The following STRN3 variants were observed in gnomAD, a reference collection of about 807,000 sequenced individuals.
STRN3 encodes the protein striatin-3.
Under a neutral mutation model 95.6 loss-of-function variants are expected in STRN3, and 29 were observed. That is an observed-to-expected ratio of 0.30 (90% CI 0.23 to 0.41). STRN3 has a LOEUF of 0.41. Ranked by LOEUF, STRN3 falls within the 10% of genes least tolerant of loss-of-function variation. The pLI is 1.00. For synonymous variants in STRN3, 331 were observed against 357.6 expected (o/e 0.93, Z 0.84); for missense variants, 890 against 972.1 (o/e 0.92, Z 1.12).
At chr14:30,969,671 G>C (rs1048293868) in intron 1 of STRN3, among the ~76,000 whole-genome samples, 1 of 152,132 alleles carries the variant, frequency 6.6e-6, no homozygotes, top group African/African-American at 2.4e-5. Flanking sequence ...TTCTCAGTAA[G>C]AAGGCACCAA....
intron 15 of STRN3, among the ~76,000 whole-genome samples, chr14:30,903,174 TG>T (rs1339703834): frequency 6.6e-6 from 1 of 151,928 alleles, no homozygotes; most frequent in South Asian, 2.1e-4. Flanking sequence ...AACAAATAAA[TG>T]GGGGGAAACT....
intron 1 of STRN3, among the ~76,000 whole-genome samples, chr14:30,965,371 G>C (rs1459751126): frequency 1.3e-5 from 2 of 152,066 alleles, no homozygotes; most frequent in Non-Finnish European, 2.9e-5. Flanking sequence ...ACTTTCTTCT[G>C]CCTGCCTAGT....
intron 15 of STRN3, 21 bp downstream of exon 15, chr14:30,905,397 A>C: frequency 6.3e-7 from 1 of 1,575,212 alleles, no homozygotes; most frequent in East Asian, 2.3e-5. Flanking sequence ...AAGGTTTCAA[A>C]GAAACTCCAT....
intron 1 of STRN3, among the ~76,000 whole-genome samples, chr14:30,994,793 C>T (rs944757095): frequency 2.0e-5 from 3 of 152,204 alleles, no homozygotes; most frequent in Non-Finnish European, 4.4e-5. Flanking sequence ...AAGACATGCA[C>T]TTTTTCTTAG....
intron 8 of STRN3, among the ~76,000 whole-genome samples, chr14:30,924,812 G>A (rs1896980690): frequency 6.6e-6 from 1 of 152,138 alleles, no homozygotes; most frequent in Non-Finnish European, 1.5e-5. Context: ...ATGTGCTACT[G>A]TACTCCATCC....
intron 3 of STRN3, 113 bp from the exon 4 acceptor site, chr14:30,951,057 A>G (rs999430037): frequency 2.3e-6 from 2 of 881,402 alleles, no homozygotes; most frequent in African/African-American, 3.4e-5. Context: ...TATAAAGGAC[A>G]GGAAAAAATT....
In STRN3 at chr14:30,902,616, C is replaced by T; in HGVS notation, c.2057G>A (p.Arg686Lys). 3.1e-6 allele frequency: 5 copies of T among 1,602,862 alleles called. No homozygotes were observed. The highest frequency in any genetic ancestry group is 4.3e-6 in the Non-Finnish European group (5 of 1,175,080). Residue 686 changes from arginine to lysine, a missense_variant, in exon 16 of 18, where the codon AGA (arginine) becomes AAA (lysine). Coordinates refer to ENST00000357479, the MANE Select transcript of STRN3 (RefSeq NM_001083893.2). The stretch of plus-strand genomic sequence containing the variant: ...AGGAAGTGTGGGATGACTTACTACT[C>T]TGTTGATATGATTATTAGATTGTAA... Reference protein sequence around the residue: ...SGLQSNNHINRVVSHPTLPVT... With the variant: ...SGLQSNNHINKVVSHPTLPVT...
chr14:30,924,212 C>CAAA (rs200674481), intron 8 of STRN3, among the ~76,000 whole-genome samples: 8 of 110,668 alleles, frequency 7.2e-5, no homozygotes, highest in Non-Finnish European at 1.3e-4. Flanking sequence ...CTGAACTACT[C>CAAA]AAAAAAAAAA....
chr14:30,998,140 A>G (rs767493197), intron 1 of STRN3, among the ~76,000 whole-genome samples: 1 of 152,178 alleles, frequency 6.6e-6, no homozygotes, highest in Non-Finnish European at 1.5e-5. Flanking sequence ...TCAAAGTCCC[A>G]TCCCTAAACA....
intron 1 of STRN3, among the ~76,000 whole-genome samples, chr14:30,960,473 A>C (rs945766375): frequency 6.6e-6 from 1 of 152,240 alleles, no homozygotes; most frequent in African/African-American, 2.4e-5. Flanking sequence ...ACTAAAGCAT[A>C]GAAGATCACA....
intron 1 of STRN3, among the ~76,000 whole-genome samples, chr14:30,967,926 G>A (rs1357449474): frequency 6.6e-6 from 1 of 152,142 alleles, no homozygotes; most frequent in African/African-American, 2.4e-5. Context: ...TGACTGGGGT[G>A]GTGGGGGAAC....
At chr14:30,935,917 C>A (rs914364792) in intron 6 of STRN3, among the ~76,000 whole-genome samples, 3 of 152,054 alleles carry the variant, frequency 2.0e-5, no homozygotes, top group East Asian at 1.9e-4. Context: ...CTAAACCTAC[C>A]CACTTTTTTC....
At chr14:30,972,772 C>G (rs1297480524) in intron 1 of STRN3, among the ~76,000 whole-genome samples, 1 of 152,186 alleles carries the variant, frequency 6.6e-6, no homozygotes, top group Non-Finnish European at 1.5e-5. Flanking sequence ...CGCCACTGCA[C>G]TCCAGCTGGG....
Position 30,976,730 on chromosome 14 carries a change from C to G in STRN3, c.283-20488G>C, listed in dbSNP as rs541046953. Reference sequence around the variant, plus strand: ...GTAACAGAAAGACAATTAGAAAATCCCAGCATATAGGAAATTAAACATACT... The same window carrying G: ...GTAACAGAAAGACAATTAGAAAATCGCAGCATATAGGAAATTAAACATACT... On this transcript the variant is annotated intron_variant, in intron 1 of 17. Coordinates refer to ENST00000357479, the MANE Select transcript of STRN3 (RefSeq NM_001083893.2). Among the ~76,000 whole-genome samples, 17 of 152,184 alleles carry G rather than the reference C, an allele frequency of 1.1e-4. No homozygotes were observed. The East Asian group carries it at 3.3e-3, about 29-fold the overall frequency.
At chr14:31,001,708 C>T (rs1235875335) in intron 1 of STRN3, among the ~76,000 whole-genome samples, 1 of 152,184 alleles carries the variant, frequency 6.6e-6, no homozygotes, top group Non-Finnish European at 1.5e-5. Flanking sequence ...ACACTATTCA[C>T]AATTGCTAAA....
chr14:30,918,821 A>G (rs965154329), intron 9 of STRN3, 145 bp downstream of exon 9: 1 of 784,832 alleles, frequency 1.3e-6, no homozygotes, highest in Non-Finnish European at 1.8e-6. Context: ...TAAATTAGTT[A>G]CATCAAGAGC....
intron 14 of STRN3, among the ~76,000 whole-genome samples, chr14:30,905,969 T>C (rs897456715): frequency 1.3e-5 from 2 of 152,230 alleles, no homozygotes; most frequent in Non-Finnish European, 2.9e-5. Context: ...ATCAGAGATC[T>C]GTAGGCCTTA....
At chr14:30,991,920 T>C (rs1881973685) in intron 1 of STRN3, among the ~76,000 whole-genome samples, 1 of 114,446 alleles carries the variant, frequency 8.7e-6, no homozygotes, top group Non-Finnish European at 2.0e-5. Context: ...ACCCCTTCTC[T>C]ATTCTTTAAA....
At chr14:31,019,531 T>A (rs550875863) in intron 1 of STRN3, among the ~76,000 whole-genome samples, 96 of 152,250 alleles carry the variant, frequency 6.3e-4, no homozygotes, top group African/African-American at 2.3e-3. Context: ...ATAAAAAGGA[T>A]AAACTGTTAA....
Sources: allele counts gnomAD v4.1 joint callset (sites outside exome capture counted in the v4.1 genomes callset), GRCh38; gene constraint gnomAD v4.1.1; transcripts MANE v1.5; gene names NCBI Gene and HGNC (gene_info 2026-07-23, HGNC 2026-07-21).